CSMD2: variants seen among roughly 807,000 people sequenced by gnomAD.
CSMD2 encodes the protein CUB and Sushi multiple domains 2.
In CSMD2, 130 loss-of-function variants were observed where a neutral mutation model predicts 398.5. The observed-to-expected ratio is 0.33, with a 90% CI of 0.28 to 0.38. The LOEUF (loss-of-function observed/expected upper bound fraction) is 0.38, where lower values mean the gene tolerates loss of function less well. Ranked by LOEUF, CSMD2 falls within the 10% of genes least tolerant of loss-of-function variation. CSMD2 has a pLI of 1.00. For missense variants in CSMD2, 3,829 were observed against 4,764.9 expected, an observed-to-expected ratio of 0.80 and a Z score of 5.78; for synonymous variants, 1,828 against 1,908.5, an observed-to-expected ratio of 0.96 and a Z score of 1.10.
chr1:33,832,079 C>T (rs1659643470), intron 6 of CSMD2, among the ~76,000 whole-genome samples: 2 of 140,560 alleles, frequency 1.4e-5, no homozygotes, highest in South Asian at 5.1e-4. Flanking sequence ...TTTAACACCC[C>T]ACTGTCAATA....
intron 1 of CSMD2, among the ~76,000 whole-genome samples, chr1:34,093,354 T>C (rs915180772): frequency 6.6e-6 from 1 of 152,054 alleles, no homozygotes; most frequent in Non-Finnish European, 1.5e-5. Flanking sequence ...AGAGCGCCTC[T>C]CCTCCTCCAA....
chr1:34,139,780 G>C (rs958883294), intron 1 of CSMD2, among the ~76,000 whole-genome samples: 1 of 152,130 alleles, frequency 6.6e-6, no homozygotes, highest in Non-Finnish European at 1.5e-5. Flanking sequence ...TTAGCACAGC[G>C]GCTGGAGCAC....
chr1:33,816,608 G>A (rs1053735103), intron 9 of CSMD2, among the ~76,000 whole-genome samples: 1 of 152,318 alleles, frequency 6.6e-6, no homozygotes, highest in East Asian at 1.9e-4. Flanking sequence ...GACTCTGCCT[G>A]TATCTGGGGC....
intron 55 of CSMD2, among the ~76,000 whole-genome samples, chr1:33,550,735 T>C (rs1031879164): frequency 3.3e-5 from 5 of 152,208 alleles, no homozygotes; most frequent in Non-Finnish European, 5.9e-5. Context: ...TTGTCTTCAT[T>C]GGCCAAGGAT....
chr1:33,842,479 A>G (rs12067526), intron 6 of CSMD2, among the ~76,000 whole-genome samples: 19,424 of 151,678 alleles, frequency 0.13, 2,005 homozygotes, highest in African/African-American at 0.29. Flanking sequence ...CCACTACCAC[A>G]CTTTCCAGTC....
chr1:33,691,454 A>G (rs1645237463), intron 25 of CSMD2, among the ~76,000 whole-genome samples: 1 of 152,216 alleles, frequency 6.6e-6, no homozygotes. Context: ...AAAAATTTGT[A>G]CATATTAAAT....
intron 3 of CSMD2, among the ~76,000 whole-genome samples, chr1:33,952,363 A>G (rs1360378311): frequency 1.3e-5 from 2 of 152,226 alleles, no homozygotes; most frequent in Non-Finnish European, 2.9e-5. Context: ...CTTCAAGTAC[A>G]TGAAGTTCTT....
chr1:34,043,709 G>C (rs1209959460), intron 2 of CSMD2, among the ~76,000 whole-genome samples: 1 of 152,170 alleles, frequency 6.6e-6, no homozygotes, highest in Admixed American at 6.5e-5. Context: ...CTGGGAACCG[G>C]GATTTCAGGA....
chr1:33,689,055 AGAGAGGGAGTGG>A lies in CSMD2; in HGVS notation c.4052+3863_4052+3874del, dbSNP rs762783246. 6.9e-4 allele frequency among the ~76,000 whole-genome samples: 101 copies of A among 147,374 alleles called. 1 individual carries two copies. The highest frequency in any genetic ancestry group is 3.4e-3 in the Middle Eastern group (1 of 292). On this transcript the variant is annotated intron_variant, in intron 25 of 70. Coordinates refer to ENST00000373381, the MANE Select transcript of CSMD2 (RefSeq NM_001281956.2). ...GAGAGAGAGGGAGGGAAGGAGAGGA[AGAGAGGGAGTGG>A]GAAAGAAGGAGGGAAGGAGAGGAGG...
intron 3 of CSMD2, among the ~76,000 whole-genome samples, chr1:34,017,396 C>T (rs144209872): frequency 2.6e-5 from 4 of 152,296 alleles, no homozygotes; most frequent in African/African-American, 9.6e-5. Flanking sequence ...TTACTTGTCT[C>T]ATTAATTTCT....
intron 4 of CSMD2, among the ~76,000 whole-genome samples, chr1:33,926,955 C>G (rs1351850522): frequency 2.0e-5 from 3 of 152,182 alleles, no homozygotes; most frequent in Admixed American, 6.5e-5. Flanking sequence ...TTCAGGCCAG[C>G]TCTAGGGTAC....
intron 19 of CSMD2, among the ~76,000 whole-genome samples, chr1:33,717,637 A>T (rs894409569): frequency 6.6e-6 from 1 of 151,724 alleles, no homozygotes; most frequent in Non-Finnish European, 1.5e-5. Flanking sequence ...GAAGTTCAGG[A>T]TTAAAGGGGG....
intron 22 of CSMD2, among the ~76,000 whole-genome samples, chr1:33,706,875 A>G (rs368459301): frequency 2.9e-5 from 4 of 139,784 alleles, no homozygotes; most frequent in South Asian, 2.3e-4. Context: ...ATGTGTGTGC[A>G]TGTGTTTGTG....
At chr1:34,002,760 T>C (rs1414633604) in intron 3 of CSMD2, among the ~76,000 whole-genome samples, 2 of 152,204 alleles carry the variant, frequency 1.3e-5, no homozygotes, top group Non-Finnish European at 2.9e-5. Context: ...ACATGGGGAT[T>C]TAGTGGCCAC....
At chr1:33,574,589 T>C (rs1028163049) in intron 49 of CSMD2, among the ~76,000 whole-genome samples, 16 of 152,212 alleles carry the variant, frequency 1.1e-4, no homozygotes, top group Non-Finnish European at 1.3e-4. Flanking sequence ...CCTAACAAGA[T>C]GCTTGATGCT....
chr1:33,942,721 C>T (rs1191214340), intron 3 of CSMD2, among the ~76,000 whole-genome samples: 1 of 152,230 alleles, frequency 6.6e-6, no homozygotes, highest in African/African-American at 2.4e-5. Flanking sequence ...TTGAGAACAA[C>T]TCCCACTAAC....
At chr1:33,920,557 A>C (rs1049402304) in intron 4 of CSMD2, among the ~76,000 whole-genome samples, 8 of 150,418 alleles carry the variant, frequency 5.3e-5, no homozygotes, top group African/African-American at 1.9e-4. Flanking sequence ...AAAAAAAAAA[A>C]AAAAAAAAGA....
At position 34,125,588 on chromosome 1, in the gene CSMD2, T is replaced by C. The variant is rs186625720; in HGVS notation, c.188-36395A>G. 2.2e-3 allele frequency among the ~76,000 whole-genome samples: 339 copies of C among 151,846 alleles called. 3 individuals are homozygous for C. The highest frequency in any genetic ancestry group is 7.9e-3 in the African/African-American group (329 of 41,436). ...TTGGCAGGCCGTTCTGCAGAAGCCC[T>C]GCAGCACCGTGGTTGCTCACCAAAA... On this transcript the variant is annotated intron_variant, in intron 1 of 70. Coordinates refer to ENST00000373381, the MANE Select transcript of CSMD2 (RefSeq NM_001281956.2).
chr1:33,836,339 G>T (rs560263479), intron 6 of CSMD2, among the ~76,000 whole-genome samples: 2 of 152,152 alleles, frequency 1.3e-5, no homozygotes, highest in Non-Finnish European at 2.9e-5. Context: ...CAGTCTGCCC[G>T]CTCTCAGATC....
Sources: allele counts gnomAD v4.1 joint callset (sites outside exome capture counted in the v4.1 genomes callset), GRCh38; gene constraint gnomAD v4.1.1; transcripts MANE v1.5; gene names NCBI Gene and HGNC (gene_info 2026-07-23, HGNC 2026-07-21).